DGKG: variants seen among roughly 807,000 people sequenced by gnomAD.
The protein encoded by DGKG is diacylglycerol kinase gamma.
DGKG carries 78 observed loss-of-function variants against 105.3 expected under a neutral mutation model. The ratio of observed to expected loss-of-function variants is 0.74; its 90% CI spans 0.62 to 0.89. The LOEUF (loss-of-function observed/expected upper bound fraction) is 0.89, where lower values mean the gene tolerates loss of function less well. DGKG is among the 40% of genes least tolerant of loss of function. DGKG has a pLI of 0.00. For missense variants in DGKG, 958 were observed against 1,020.1 expected (o/e 0.94, Z 0.83); for synonymous variants, 346 against 367.1 (o/e 0.94, Z 0.66).
chr3:186,164,026 C>T (rs1003255813), intron 23 of DGKG, among the ~76,000 whole-genome samples: 11 of 152,176 alleles, frequency 7.2e-5, no homozygotes, highest in African/African-American at 2.7e-4. Context: ...GGAATCCGCT[C>T]TGGGGACCTT....
intron 15 of DGKG, 58 bp downstream of exon 15, chr3:186,261,641 G>C: frequency 8.1e-7 from 1 of 1,241,852 alleles, no homozygotes; most frequent in South Asian, 1.3e-5. Context: ...GCCAAGGGGA[G>C]GAAGGGCCTG....
intron 19 of DGKG, among the ~76,000 whole-genome samples, chr3:186,247,977 T>C (rs1721025825): frequency 1.3e-5 from 2 of 152,020 alleles, no homozygotes; most frequent in African/African-American, 4.8e-5. Flanking sequence ...TCCTTCCTTC[T>C]TTCCTTCCTT....
intron 5 of DGKG, among the ~76,000 whole-genome samples, chr3:186,293,048 A>G (rs1409134397): frequency 6.6e-6 from 1 of 152,212 alleles, no homozygotes; most frequent in East Asian, 1.9e-4. Flanking sequence ...GCTTCCCTAC[A>G]CATGCATAAC....
At chr3:186,176,664 C>A (rs138110690) in intron 22 of DGKG, among the ~76,000 whole-genome samples, 2 of 152,310 alleles carry the variant, frequency 1.3e-5, no homozygotes, top group East Asian at 3.9e-4. Flanking sequence ...TCAATTAACC[C>A]TCCCTGGGCC....
intron 19 of DGKG, 149 bp downstream of exon 19, chr3:186,251,610 G>A: frequency 1.3e-6 from 1 of 794,028 alleles, no homozygotes; most frequent in South Asian, 1.7e-5. Flanking sequence ...CCACACTCAG[G>A]CCAAGTTTCA....
intron 5 of DGKG, among the ~76,000 whole-genome samples, chr3:186,294,119 T>A (rs9809029): frequency 0.029 from 4,386 of 152,272 alleles, 218 homozygotes; most frequent in African/African-American, 0.099. Flanking sequence ...TCTCTTTTAG[T>A]CCCAGAATGA....
chr3:186,351,605 G>C (rs571960935), intron 1 of DGKG, among the ~76,000 whole-genome samples: 44 of 152,352 alleles, frequency 2.9e-4, no homozygotes, highest in African/African-American at 1.0e-3. Flanking sequence ...ACTAACCAAG[G>C]TTCACCAAGA....
intron 16 of DGKG, among the ~76,000 whole-genome samples, chr3:186,260,204 CTT>C (rs1721695897): frequency 6.6e-6 from 1 of 152,174 alleles, no homozygotes. Flanking sequence ...TATAAAATAA[CTT>C]TTTCTAGGAC....
At chr3:186,229,246 T>A (rs890987720) in intron 20 of DGKG, among the ~76,000 whole-genome samples, 5 of 79,920 alleles carry the variant, frequency 6.3e-5, no homozygotes, top group Non-Finnish European at 9.9e-5. Flanking sequence ...GACTTGTAGC[T>A]TTTTTTTTTT....
chr3:186,177,444 G>T (rs115177330), intron 22 of DGKG, among the ~76,000 whole-genome samples: 2,225 of 152,296 alleles, frequency 0.015, 60 homozygotes, highest in African/African-American at 0.052. Context: ...CCTACTAGCT[G>T]CATTGCATGG....
chr3:186,198,266 G>C (rs965388553), intron 21 of DGKG, among the ~76,000 whole-genome samples: 2 of 152,238 alleles, frequency 1.3e-5, no homozygotes, highest in Non-Finnish European at 2.9e-5. Context: ...AGGATAGGGA[G>C]AGACATGGAA....
Position 186,205,235 on chromosome 3 carries a change from C to T in DGKG, c.1917+6560G>A, listed in dbSNP as rs185392965. Reference sequence around the variant, plus strand: ...TTGTGCCATTGCACTCCAGCCTGGGCGACAAGAGCAAAACTCCTTCTCAAA... The same window carrying T: ...TTGTGCCATTGCACTCCAGCCTGGGTGACAAGAGCAAAACTCCTTCTCAAA... On this transcript the variant is annotated intron_variant, in intron 21 of 24. Coordinates refer to ENST00000265022, the MANE Select transcript of DGKG (RefSeq NM_001346.3). 1.5e-3 allele frequency among the ~76,000 whole-genome samples: 185 copies of T among 121,930 alleles called. No individual in the cohort carries two copies. The East Asian group carries it at 0.036, about 24-fold the overall frequency. 80.0% of individuals were successfully genotyped at this position (121,930 alleles called of 152,430 possible). A position where few individuals can be genotyped will look rare whatever the true frequency, so the allele number is the denominator to read the frequency against.
chr3:186,213,885 C>T (rs4686747), intron 20 of DGKG, among the ~76,000 whole-genome samples: 85,546 of 152,044 alleles, frequency 0.56, 24,539 homozygotes, highest in East Asian at 0.93. Context: ...GAGGACAGAA[C>T]GAGGGTCAGT....
chr3:186,211,812 C>T lies in DGKG; in HGVS notation c.1900G>A (p.Asp634Asn), dbSNP rs147898553. Residue 634 changes from aspartate (D) to asparagine (N), a missense_variant, in exon 21 of 25, where the codon GAC becomes AAC. By Grantham distance (23) the Asp-to-Asn change is conservative. Transcript: ENST00000265022. ...GAACTTACCTCCAACTCAATGTGGT[C>T]GTGGAGTTTCTTGCAGGTCGCTGCA... ...TFAATCKKLH[D>N]HIELECDGVG... The T allele has an allele frequency of 1.7e-4, 275 of 1,613,956 alleles. 1 individual carries two copies. The African/African-American group carries it at 2.0e-3, about 12-fold the overall frequency.
intron 2 of DGKG, chr3:186,313,535 A>G (rs1724660831): frequency 1.0e-6 from 1 of 985,236 alleles, no homozygotes; most frequent in Non-Finnish European, 1.2e-6. Context: ...GGAATGGATC[A>G]GACAACTTGG....
chr3:186,347,690 C>T (rs1726413235), intron 1 of DGKG, among the ~76,000 whole-genome samples: 1 of 151,746 alleles, frequency 6.6e-6, no homozygotes, highest in Admixed American at 6.6e-5. Context: ...TTCAAGTGTT[C>T]TCCTGCCTCA....
At chr3:186,318,463 T>A (rs1358972160) in intron 2 of DGKG, among the ~76,000 whole-genome samples, 1 of 152,226 alleles carries the variant, frequency 6.6e-6, no homozygotes, top group Non-Finnish European at 1.5e-5. Flanking sequence ...CTGTTATCGG[T>A]TCAACCGTGC....
intron 20 of DGKG, among the ~76,000 whole-genome samples, chr3:186,220,893 T>G (rs781137866): frequency 2.6e-5 from 4 of 152,196 alleles, no homozygotes; most frequent in Non-Finnish European, 5.9e-5. Flanking sequence ...CATTCTCCAT[T>G]GATAGGATCT....
chr3:186,157,649 C>T (rs1271613388), intron 24 of DGKG, among the ~76,000 whole-genome samples: 1 of 152,152 alleles, frequency 6.6e-6, no homozygotes, highest in Non-Finnish European at 1.5e-5. Flanking sequence ...GATTTTCATT[C>T]ATCTTCTTAA....
Sources: allele counts gnomAD v4.1 joint callset (sites outside exome capture counted in the v4.1 genomes callset), GRCh38; gene constraint gnomAD v4.1.1; transcripts MANE v1.5; gene names NCBI Gene and HGNC (gene_info 2026-07-23, HGNC 2026-07-21).